The following FUBP3 variants were observed in gnomAD, a reference collection of about 807,000 sequenced individuals.
FUBP3 encodes far upstream element binding protein 3, also known as far upstream element-binding protein 3.
A neutral mutation model predicts 85.6 loss-of-function variants in FUBP3; 28 were observed. That is an observed-to-expected ratio of 0.33 (90% CI 0.24 to 0.45). FUBP3 has a LOEUF of 0.45. Ranked by LOEUF, FUBP3 falls within the 20% of genes least tolerant of loss-of-function variation. The pLI is 1.00. For missense variants in FUBP3, 583 were observed against 755.1 expected (o/e 0.77, Z 2.67); for synonymous variants, 271 against 271.4 (o/e 1.00, Z 0.01).
At chr9:130,583,249 A>G (rs1402035590) in intron 1 of FUBP3, among the ~76,000 whole-genome samples, 1 of 152,298 alleles carries the variant, frequency 6.6e-6, no homozygotes, top group Non-Finnish European at 1.5e-5. Context: ...AATCTCTCCC[A>G]GTGCTGCTGT....
At position 130,634,685 on chromosome 9, in the gene FUBP3, A is replaced by G; in HGVS notation, c.1529A>G (p.Gln510Arg). 1.2e-6 allele frequency: 2 copies of G among 1,613,914 alleles called. No homozygotes were observed. Among genetic ancestry groups the G allele is most frequent in the East Asian group, 2.2e-5 (1 of 44,866 alleles). ...CGCACAGGCCAGCAGAGCCAGCCGC[A>G]GAGCAGCCAGCCCAACTACAGCAAG... The part of the protein sequence containing the change: ...QQVPSQQSQP[Q>R]SSQPNYSKAW... The change falls in exon 17 of 19, where the codon CAG becomes CGG. Residue 510 changes from glutamine to arginine, a missense_variant. Transcript: ENST00000319725.
intron 2 of FUBP3, among the ~76,000 whole-genome samples, chr9:130,600,714 T>A (rs1178513812): frequency 6.6e-6 from 1 of 152,124 alleles, no homozygotes; most frequent in East Asian, 1.9e-4. Context: ...GGCTTATGCC[T>A]ATAATCCCAG....
chr9:130,623,146 T>C (rs1367827648), intron 10 of FUBP3, among the ~76,000 whole-genome samples: 2 of 152,196 alleles, frequency 1.3e-5, no homozygotes. Context: ...ATAATTTTGA[T>C]TTTATTAAAT....
At chr9:130,620,786 T>C (rs930082886) in intron 9 of FUBP3, among the ~76,000 whole-genome samples, 1 of 152,220 alleles carries the variant, frequency 6.6e-6, no homozygotes, top group African/African-American at 2.4e-5. Context: ...AGCCTGTGTT[T>C]ATTGATGAGG....
chr9:130,623,913 C>G (rs970582456), intron 11 of FUBP3, among the ~76,000 whole-genome samples: 1 of 152,186 alleles, frequency 6.6e-6, no homozygotes. Flanking sequence ...CCTTTATTTA[C>G]CTCACCATCT....
chr9:130,621,281 T>C (rs1231466317), intron 9 of FUBP3, among the ~76,000 whole-genome samples: 1 of 151,276 alleles, frequency 6.6e-6, no homozygotes, highest in East Asian at 2.0e-4. Context: ...GCCAGGAGAT[T>C]GAGATCTGTC....
intron 16 of FUBP3, among the ~76,000 whole-genome samples, chr9:130,633,825 T>G (rs1206116456): frequency 1.3e-5 from 2 of 152,140 alleles, no homozygotes; most frequent in Non-Finnish European, 2.9e-5. Context: ...CAGTATGCAG[T>G]AAAGTGAACT....
rs936893957 is a variant in FUBP3 at position 130,588,428 on chromosome 9, G to T, written c.85-7055G>T. Among the ~76,000 whole-genome samples the T allele has an allele frequency of 7.2e-5, 11 of 152,146 alleles. 1 individual carries two copies. The highest frequency in any genetic ancestry group is 2.7e-4 in the African/African-American group (11 of 41,440). On this transcript the variant is annotated intron_variant, in intron 1 of 18. Transcript: ENST00000319725. ...TTCTGGGGTCCTGGTGATGTTTCTTGATCTAGGTGCTAGTTACATAGGTAT... is the reference window on the plus strand; with the variant it reads ...TTCTGGGGTCCTGGTGATGTTTCTTTATCTAGGTGCTAGTTACATAGGTAT...
chr9:130,583,067 C>T (rs1345801710), intron 1 of FUBP3, among the ~76,000 whole-genome samples: 5 of 152,198 alleles, frequency 3.3e-5, no homozygotes, highest in Non-Finnish European at 7.3e-5. Flanking sequence ...TCATAGAGTT[C>T]GTTCGGCATC....
chr9:130,583,439 C>T (rs1458319784), intron 1 of FUBP3, among the ~76,000 whole-genome samples: 2 of 152,204 alleles, frequency 1.3e-5, no homozygotes, highest in Non-Finnish European at 2.9e-5. Flanking sequence ...CCAGTGGGTT[C>T]GCCCTGCGAG....
intron 18 of FUBP3, 46 bp downstream of exon 18, chr9:130,636,172 C>A (rs763350423): frequency 1.3e-6 from 2 of 1,590,800 alleles, no homozygotes; most frequent in Admixed American, 1.7e-5. Flanking sequence ...TAGCCCCGAG[C>A]CCCTGCTCCC....
intron 1 of FUBP3, among the ~76,000 whole-genome samples, chr9:130,591,007 T>A (rs1830599977): frequency 1.1e-5 from 1 of 89,064 alleles, no homozygotes; most frequent in Admixed American, 1.4e-4. Context: ...TTGTTTTTGT[T>A]TGTTTTTGTT....
In FUBP3 at chr9:130,620,593, G is replaced by A; in HGVS notation, c.771+135G>A. On this transcript the variant is annotated intron_variant, in intron 9 of 18. Coordinates refer to ENST00000319725, the MANE Select transcript of FUBP3 (RefSeq NM_003934.2). ...ACCTTAAGAATTCTCTGGCTCCTTA[G>A]GGTGGGTGTGAGGGTGGACTGGAAC... The A allele has an allele frequency of 1.2e-5, 6 of 482,434 alleles. No homozygotes were observed. In the South Asian group the frequency reaches 2.1e-4, roughly 17 times the overall value. 29.9% of individuals were successfully genotyped at this position (482,434 alleles called of 1,614,324 possible).
chr9:130,585,108 G>GGA (rs560570628), intron 1 of FUBP3, among the ~76,000 whole-genome samples: 84 of 152,102 alleles, frequency 5.5e-4, no homozygotes, highest in African/African-American at 1.7e-3. Flanking sequence ...TGCAGTGAGT[G>GGA]GAGATTGCAT....
At position 130,579,948 on chromosome 9, in the gene FUBP3, A is replaced by G. The variant is rs975272044; in HGVS notation, c.84+184A>G. ...GGGATAAGGCGCCACTGCGAGGCCC[A>G]GGCCCGGCCTGTCGGGCGGGTCTCC... On this transcript the variant is annotated intron_variant, in intron 1 of 18. Transcript: ENST00000319725. Among the ~76,000 whole-genome samples the G allele has an allele frequency of 8.9e-4, 135 of 152,194 alleles. 1 individual carries two copies. The highest frequency in any genetic ancestry group is 2.9e-4 in the Non-Finnish European group (20 of 68,024).
intron 1 of FUBP3, among the ~76,000 whole-genome samples, chr9:130,590,730 T>G (rs1588117865): frequency 6.6e-6 from 1 of 152,330 alleles, no homozygotes; most frequent in South Asian, 2.1e-4. Flanking sequence ...AAGTCAGGCT[T>G]TATTTAAGTC....
rs138986229 is a variant in FUBP3, at chr9:130,624,609, TTGTGTGTGTGTGTGTGTG to T, written c.975+924_975+941del. Among the ~76,000 whole-genome samples, 673 of 143,970 alleles carry T rather than the reference TTGTGTGTGTGTGTGTGTG, an allele frequency of 4.7e-3. 6 individuals carry two copies. Among genetic ancestry groups the T allele is most frequent in the African/African-American group, 0.016 (634 of 38,764 alleles). 94.4% of individuals were successfully genotyped at this position (143,970 alleles called of 152,430 possible). A position where few individuals can be genotyped will look rare whatever the true frequency, so the allele number is the denominator to read the frequency against. On this transcript the variant is annotated intron_variant, in intron 11 of 18. Coordinates refer to ENST00000319725, the MANE Select transcript of FUBP3 (RefSeq NM_003934.2). ...AACTTTCTTAAAATGTTACAAGATT[TTGTGTGTGTGTGTGTGTG>T]TGTGTGTGTGTGTGTGTGTGTGTGT...
At chr9:130,627,562 C>T (rs911660003) in intron 12 of FUBP3, among the ~76,000 whole-genome samples, 1 of 152,236 alleles carries the variant, frequency 6.6e-6, no homozygotes, top group Non-Finnish European at 1.5e-5. Context: ...TATGCTCTTG[C>T]AAAATGCAAG....
intron 2 of FUBP3, chr9:130,596,588 C>A: frequency 2.7e-6 from 1 of 364,188 alleles, no homozygotes. Flanking sequence ...CGTTGAACTC[C>A]TGGGCTCGAG....
Sources: allele counts gnomAD v4.1 joint callset (sites outside exome capture counted in the v4.1 genomes callset), GRCh38; gene constraint gnomAD v4.1.1; transcripts MANE v1.5; gene names NCBI Gene and HGNC (gene_info 2026-07-23, HGNC 2026-07-21).